Variants in ZC3H18 observed in about 807,000 individuals in gnomAD.
ZC3H18 encodes zinc finger CCCH domain-containing protein 18.
ZC3H18 carries 8 observed loss-of-function variants against 106.1 expected under a neutral mutation model. The ratio of observed to expected loss-of-function variants is 0.08; its 90% confidence interval spans 0.04 to 0.14. The LOEUF (loss-of-function observed/expected upper bound fraction) is 0.14. Ranked by LOEUF, ZC3H18 falls within the 10% of genes least tolerant of loss-of-function variation. The pLI is 1.00. For synonymous variants in ZC3H18, 635 were observed against 522.1 expected (o/e 1.22, Z -2.95); for missense variants, 1,318 against 1,278.4 (o/e 1.03, Z -0.47).
rs1362310015 is a variant in ZC3H18 at position 88,577,469 on chromosome 16, G to A, written c.346G>A (p.Ala116Thr). ...EDRTSDLRDE[A>T]SSVTRELDEH... ...CCGGACAAGCGACCTTAGGGATGAG[G>A]CCTCCTCAGTCACCAGGGAGCTGGA... Residue 116 changes from alanine to threonine, a missense_variant, in exon 2 of 18, where the codon GCC becomes ACC. By Grantham distance (58) the Ala-to-Thr change is moderately conservative. Transcript: ENST00000301011. 3.3e-5 allele frequency: 53 copies of A among 1,612,634 alleles called. 1 individual carries two copies. The East Asian group carries it at 1.1e-3, about 35-fold the overall frequency.
chr16:88,630,414 T>G (rs1307684568), intron 16 of ZC3H18, 71 bp from the exon 17 acceptor site: 7 of 1,255,184 alleles, frequency 5.6e-6, no homozygotes, highest in Non-Finnish European at 6.8e-6. Flanking sequence ...GTCCCTGGCA[T>G]CGGTGAGGCC....
chr16:88,587,453 A>T, intron 3 of ZC3H18: 1 of 1,118,398 alleles, frequency 8.9e-7, no homozygotes, highest in Non-Finnish European at 1.3e-6. Flanking sequence ...CTTTTCTCTT[A>T]ATTTTGCTGT....
chr16:88,612,018 A>C (rs1905300259), intron 8 of ZC3H18, among the ~76,000 whole-genome samples: 1 of 145,006 alleles, frequency 6.9e-6, no homozygotes, highest in Admixed American at 6.8e-5. Context: ...GCCAGCATGC[A>C]GGGGAGGGCC....
chr16:88,584,942 C>G (rs964369475), intron 2 of ZC3H18, among the ~76,000 whole-genome samples: 1 of 152,102 alleles, frequency 6.6e-6, no homozygotes, highest in East Asian at 1.9e-4. Context: ...TTCGAACTTT[C>G]CAAATGAGTT....
Position 88,631,085 on chromosome 16 carries a change from C to T in ZC3H18, c.2664-16C>T. Reference sequence around the variant, plus strand: ...GTGGCTTCTGGGGGCTCAAGGTCTTCCCCACCCCCTTGTAGGAAGCGCCAG... The same window carrying T: ...GTGGCTTCTGGGGGCTCAAGGTCTTTCCCACCCCCTTGTAGGAAGCGCCAG... On this transcript the variant is annotated splice_polypyrimidine_tract_variant and intron_variant, in intron 17 of 17. Coordinates refer to ENST00000301011, the MANE Select transcript of ZC3H18 (RefSeq NM_144604.4). 6.2e-7 allele frequency: 1 copy of T among 1,610,962 alleles called. No individual in the cohort carries two copies. Among genetic ancestry groups the T allele is most frequent in the South Asian group, 1.1e-5 (1 of 90,994 alleles).
chr16:88,623,951 C>A lies in ZC3H18; in HGVS notation c.1794-7C>A. 6.2e-7 allele frequency: 1 copy of A among 1,608,914 alleles called. No homozygotes were observed. The highest frequency in any genetic ancestry group is 8.5e-7 in the Non-Finnish European group (1 of 1,176,622). ...GCCCCTTCCGACACCTTTGTTCACT[C>A]CCCTAGGTCCCGGTCCTTCTCTTCG... On this transcript the variant is annotated splice_region_variant and splice_polypyrimidine_tract_variant and intron_variant, in intron 10 of 17. Transcript: ENST00000301011.
At chr16:88,576,747 A>G (rs987541438) in intron 1 of ZC3H18, among the ~76,000 whole-genome samples, 1 of 151,816 alleles carries the variant, frequency 6.6e-6, no homozygotes, top group Admixed American at 6.6e-5. Context: ...AAAAGTAAAT[A>G]CTCCTCTAAG....
intron 3 of ZC3H18, among the ~76,000 whole-genome samples, chr16:88,595,904 G>A (rs949837213): frequency 1.3e-5 from 2 of 152,194 alleles, no homozygotes; most frequent in Non-Finnish European, 2.9e-5. Flanking sequence ...CGACAGTTGG[G>A]TGTGTTCCTA....
chr16:88,627,912 A>G lies in ZC3H18; in HGVS notation c.2270-8A>G. The G allele has an allele frequency of 6.2e-7, 1 of 1,613,926 alleles. No homozygotes were observed. The highest frequency in any genetic ancestry group is 1.6e-4 in the Middle Eastern group (1 of 6,062). On this transcript the variant is annotated splice_region_variant and splice_polypyrimidine_tract_variant and intron_variant, in intron 14 of 17. Coordinates refer to ENST00000301011, the MANE Select transcript of ZC3H18 (RefSeq NM_144604.4). This position sits in a 1 kb window ranked among gnomAD's most constrained non-coding sequence, Gnocchi z 4.5. Reference sequence around the variant, plus strand: ...GTACCCCCATGACTGCGGATTTATCATTGGTAGGAAAATCTAAGAAAGAAG... The same window carrying G: ...GTACCCCCATGACTGCGGATTTATCGTTGGTAGGAAAATCTAAGAAAGAAG...
chr16:88,591,656 G>C (rs1197622448), intron 3 of ZC3H18, among the ~76,000 whole-genome samples: 4 of 152,220 alleles, frequency 2.6e-5, no homozygotes, highest in South Asian at 2.1e-4. Flanking sequence ...GTGGACACTT[G>C]GGTGGTTTCC....
intron 3 of ZC3H18, among the ~76,000 whole-genome samples, chr16:88,588,473 AACAG>A (rs1250771519): frequency 6.6e-6 from 1 of 152,224 alleles, no homozygotes; most frequent in Non-Finnish European, 1.5e-5. Flanking sequence ...AGAAGCACAA[AACAG>A]ACAGAGAGAT....
In ZC3H18 at chr16:88,577,320, A is replaced by G; in HGVS notation, c.197A>G (p.His66Arg). Residue 66 changes from histidine (H) to arginine (R), a missense_variant, in exon 2 of 18, where the codon CAC becomes CGC. Physicochemically the swap from His to Arg is conservative, Grantham distance 29. Transcript: ENST00000301011. ...CCGAGCCAGGAGGAGGAAGATAATC[A>G]CTCCGACGAGGAGGACCGGGCAAGT... ...RGPSQEEEDN[H>R]SDEEDRASEP... 1 of 1,610,302 alleles carries G rather than the reference A, an allele frequency of 6.2e-7. No homozygotes were observed.
intron 13 of ZC3H18, 199 bp downstream of exon 13, chr16:88,625,466 C>A: frequency 3.2e-6 from 2 of 627,076 alleles, no homozygotes; most frequent in Non-Finnish European, 5.5e-6. Context: ...ATAGGAAGAC[C>A]CCCTCCCCCC....
intron 8 of ZC3H18, among the ~76,000 whole-genome samples, chr16:88,621,122 A>G (rs1469779720): frequency 6.6e-6 from 1 of 151,880 alleles, no homozygotes; most frequent in Non-Finnish European, 1.5e-5. Flanking sequence ...TCAGCTCACT[A>G]CAACCTCCGC....
chr16:88,621,679 A>G (rs1905972016), intron 8 of ZC3H18, among the ~76,000 whole-genome samples: 1 of 151,826 alleles, frequency 6.6e-6, no homozygotes, highest in African/African-American at 2.4e-5. Context: ...TTTAATAGAG[A>G]CAGGTTTCAC....
At chr16:88,613,634 A>G (rs1010629692) in intron 8 of ZC3H18, among the ~76,000 whole-genome samples, 9 of 151,994 alleles carry the variant, frequency 5.9e-5, no homozygotes, top group African/African-American at 2.2e-4. Context: ...AACCATTTGT[A>G]TATCTTCTTT....
At chr16:88,602,661 T>G (rs1904807440) in intron 6 of ZC3H18, among the ~76,000 whole-genome samples, 1 of 152,254 alleles carries the variant, frequency 6.6e-6, no homozygotes, top group African/African-American at 2.4e-5. Flanking sequence ...CATGTTATTT[T>G]ATTTCCTAAT....
At chr16:88,582,615 C>T (rs902998179) in intron 2 of ZC3H18, among the ~76,000 whole-genome samples, 3 of 152,180 alleles carry the variant, frequency 2.0e-5, no homozygotes, top group African/African-American at 7.2e-5. Flanking sequence ...GCCCAGGAAG[C>T]AGCGGCCTGT....
intron 8 of ZC3H18, among the ~76,000 whole-genome samples, chr16:88,619,571 A>G (rs1200117722): frequency 6.6e-6 from 1 of 152,166 alleles, no homozygotes; most frequent in African/African-American, 2.4e-5. Flanking sequence ...TTGTCTCCAG[A>G]GGGAATGAGC....
Sources: allele counts gnomAD v4.1 joint callset (sites outside exome capture counted in the v4.1 genomes callset), GRCh38; gene constraint gnomAD v4.1.1; non-coding constraint Gnocchi (gnomAD v3.1); transcripts MANE v1.5; gene names NCBI Gene and HGNC (gene_info 2026-07-23, HGNC 2026-07-21).